The following MYO16 variants were observed in gnomAD, a reference collection of about 807,000 sequenced individuals.
MYO16 encodes the protein myosin XVI.
MYO16 carries 94 observed loss-of-function variants against 205.3 expected under a neutral mutation model. The ratio of observed to expected loss-of-function variants is 0.46; its 90% CI spans 0.39 to 0.54. MYO16 has a LOEUF of 0.54. MYO16 is among the 20% of genes least tolerant of loss of function. The probability of loss-of-function intolerance (pLI) is 0.00; values close to 1 mark genes in which losing one functional copy is unlikely to be tolerated. For missense variants in MYO16, 2,315 were observed against 2,387.5 expected (o/e 0.97, Z 0.63); for synonymous variants, 988 against 954.0 (o/e 1.04, Z -0.66).
intron 27 of MYO16, among the ~76,000 whole-genome samples, chr13:109,080,654 A>G (rs1440163298): frequency 1.3e-5 from 2 of 152,104 alleles, no homozygotes; most frequent in African/African-American, 4.8e-5. Context: ...AGGAGTTAGC[A>G]GGAAATCCTC....
At chr13:108,587,725 A>G in the MYO16 span, among the ~76,000 whole-genome samples, 7 of 152,278 alleles carry the variant, frequency 4.6e-5, no homozygotes, top group South Asian at 8.3e-4. Context: ...CATTTTTCAC[A>G]TGAAGATTCT....
At chr13:108,677,109 C>T (rs540622255) in intron 2 of MYO16, among the ~76,000 whole-genome samples, 29 of 151,940 alleles carry the variant, frequency 1.9e-4, no homozygotes, top group Middle Eastern at 3.4e-3. Context: ...TGTCATCTTC[C>T]ATGTACTGTT....
At chr13:109,023,145 TTATG>T (rs1459581457) in intron 23 of MYO16, among the ~76,000 whole-genome samples, 3 of 130,522 alleles carry the variant, frequency 2.3e-5, no homozygotes, top group African/African-American at 5.6e-5. Context: ...ATGTATATGT[TTATG>T]TATTATATAT....
At chr13:108,763,098 G>T (rs1418085586) in intron 4 of MYO16, among the ~76,000 whole-genome samples, 1 of 152,058 alleles carries the variant, frequency 6.6e-6, no homozygotes, top group Non-Finnish European at 1.5e-5. Flanking sequence ...TCTTTAATTT[G>T]TTCATTCTTT....
At chr13:109,167,374 G>A (rs1878721410) in intron 33 of MYO16, 1 of 81,322 alleles carries the variant, frequency 1.2e-5, no homozygotes, top group African/African-American at 3.3e-5. Context: ...GCATTGTGTT[G>A]AGGTTAAAAA....
At chr13:108,815,522 T>A (rs1443541386) in intron 7 of MYO16, among the ~76,000 whole-genome samples, 2 of 152,120 alleles carry the variant, frequency 1.3e-5, no homozygotes, top group African/African-American at 2.4e-5. Context: ...AACCAAGGAA[T>A]GTGGGTGACC....
rs1883110236 is a variant in MYO16, at chr13:108,696,839, C to A, written c.293-15822C>A. 2.6e-5 allele frequency among the ~76,000 whole-genome samples: 4 copies of A among 152,048 alleles called. 1 individual carries two copies. In the South Asian group the frequency reaches 8.3e-4, roughly 31 times the overall value. ...CTACCTGTGTGGGCCTCATTCTGGA[C>A]CTTATTGTTTCTTTCTTCTAGTTGT... On this transcript the variant is annotated intron_variant, in intron 2 of 34. Transcript: ENST00000457511.
chr13:108,545,466 C>T, the MYO16 span, among the ~76,000 whole-genome samples: 3 of 152,110 alleles, frequency 2.0e-5, no homozygotes, highest in African/African-American at 4.8e-5. Context: ...GATGAACATA[C>T]GAGTACATGT....
chr13:108,968,311 A>C (rs1328889207), intron 20 of MYO16, among the ~76,000 whole-genome samples: 1 of 152,164 alleles, frequency 6.6e-6, no homozygotes, highest in Non-Finnish European at 1.5e-5. Context: ...ATTGAGGAAT[A>C]AGACAATGTA....
chr13:109,205,464 G>A (rs1880560000), intron 34 of MYO16, among the ~76,000 whole-genome samples: 1 of 152,200 alleles, frequency 6.6e-6, no homozygotes, highest in Admixed American at 6.5e-5. Flanking sequence ...TTTTAATGGA[G>A]AGGGTTGTGA....
the MYO16 span, among the ~76,000 whole-genome samples, chr13:108,563,509 G>T: frequency 1.3e-5 from 2 of 152,074 alleles, no homozygotes; most frequent in Non-Finnish European, 2.9e-5. Context: ...CCCAGCCTCT[G>T]ATAACCATTC....
intron 32 of MYO16, among the ~76,000 whole-genome samples, chr13:109,144,419 G>A (rs1337043603): frequency 1.3e-5 from 2 of 152,178 alleles, no homozygotes; most frequent in East Asian, 3.8e-4. Flanking sequence ...TGTAGGAGAG[G>A]TTAAACATAA....
chr13:108,524,257 G>A, the MYO16 span, among the ~76,000 whole-genome samples: 3 of 151,172 alleles, frequency 2.0e-5, no homozygotes, highest in African/African-American at 4.9e-5. Context: ...CCGAGATTGC[G>A]CCACTGCACT....
intron 10 of MYO16, among the ~76,000 whole-genome samples, chr13:108,854,289 C>T (rs551038810): frequency 9.2e-5 from 14 of 152,182 alleles, no homozygotes; most frequent in African/African-American, 2.9e-4. Flanking sequence ...GCCACCACAC[C>T]GGCCTGTGTT....
At chr13:108,505,053 G>A in the MYO16 span, among the ~76,000 whole-genome samples, 2 of 152,014 alleles carry the variant, frequency 1.3e-5, no homozygotes, top group African/African-American at 4.8e-5. Flanking sequence ...TCATCCACTT[G>A]TTTGTTGATA....
rs775096549 is a variant in MYO16 at position 109,140,615 on chromosome 13, G to A, written c.4403G>A (p.Gly1468Asp). 2.0e-6 allele frequency: 3 copies of A among 1,518,396 alleles called. No homozygotes were observed. Among genetic ancestry groups the A allele is most frequent in the Middle Eastern group, 1.7e-4 (1 of 5,840 alleles). The allele number at this position is 1,518,396 out of a possible 1,614,324, so 94.1% of individuals were successfully genotyped here. The change falls in exon 32 of 35, where the codon GGC becomes GAC. Residue 1468 changes from glycine to aspartate, a missense_variant. Transcript: ENST00000457511. The surrounding 1 kb of genome is among the most constrained non-coding windows in gnomAD (Gnocchi z 8.0). ...KCCLPDDGGP[G>D]AGSFLLHGAS... ...TGCCTGCCCGACGACGGCGGCCCGG[G>A]CGCGGGCTCCTTCCTGCTCCACGGC...
At chr13:108,763,787 T>TTTTG (rs150965677) in intron 4 of MYO16, among the ~76,000 whole-genome samples, 2 of 142,536 alleles carry the variant, frequency 1.4e-5, no homozygotes, top group African/African-American at 2.6e-5. Context: ...AGAAAAGGAG[T>TTTTG]TGTGTGTGTG....
intron 3 of MYO16, among the ~76,000 whole-genome samples, chr13:108,726,503 G>A (rs903358554): frequency 2.0e-5 from 3 of 151,366 alleles, no homozygotes; most frequent in African/African-American, 7.3e-5. Context: ...AGGTTGCAGT[G>A]AGCTGAGATC....
At chr13:109,057,462 C>G (rs116479408) in intron 27 of MYO16, among the ~76,000 whole-genome samples, 2,648 of 152,162 alleles carry the variant, frequency 0.017, 35 homozygotes, top group South Asian at 0.037. Context: ...CAAAGTTGGG[C>G]TTACACAGAA....
Sources: gnomAD v4.1 joint callset for allele counts (sites outside exome capture counted in the v4.1 genomes callset) on GRCh38, gnomAD v4.1.1 for gene constraint, Gnocchi (gnomAD v3.1) non-coding constraint, MANE v1.5 for transcripts, NCBI Gene and HGNC (gene_info 2026-07-23, HGNC 2026-07-21) for gene names.